The following MED23 variants were observed in gnomAD, a reference collection of about 807,000 sequenced individuals.
MED23 encodes mediator of RNA polymerase II transcription subunit 23.
A neutral mutation model predicts 163.9 loss-of-function variants in MED23; 105 were observed. The ratio of observed to expected loss-of-function variants is 0.64; its 90% CI spans 0.55 to 0.75. MED23 has a LOEUF of 0.75. MED23 is among the 30% of genes least tolerant of loss of function. The pLI, the probability that MED23 is intolerant of heterozygous loss-of-function variation, is 0.00. For synonymous variants in MED23, 561 were observed against 565.6 expected (o/e 0.99, Z 0.12); for missense variants, 1,054 against 1,649.0 (o/e 0.64, Z 6.25).
chr6:131,619,313 C>G (rs986353573), intron 8 of MED23, among the ~76,000 whole-genome samples: 1 of 152,098 alleles, frequency 6.6e-6, no homozygotes, highest in African/African-American at 2.4e-5. Flanking sequence ...GTTGAGGTCA[C>G]CATGATTTCT....
rs754894802 is a variant in MED23, at chr6:131,610,150, C to T, written c.973G>A (p.Gly325Arg). The T allele has an allele frequency of 2.1e-5, 34 of 1,613,864 alleles. No homozygotes were observed. The highest frequency in any genetic ancestry group is 3.3e-5 in the Admixed American group (2 of 59,974). The change falls in exon 11 of 29, where the codon GGA (glycine) becomes AGA (arginine). Residue 325 changes from glycine to arginine, a missense_variant. This residue lies in a region of MED23 where 61 missense variants were observed against 154.2 expected (regional missense o/e 0.40). Transcript: ENST00000368068. ...TGCTGCCACAGGAGTTGGCTTGTTC[C>T]CCCATCGTCAAACTTCTCCTCGGTC... The part of the protein sequence containing the change: ...SETEEKFDDG[G>R]TSQLLWQHLS...
chr6:131,592,878 C>A (rs1217637414), intron 24 of MED23, 128 bp downstream of exon 24: 1 of 1,104,430 alleles, frequency 9.1e-7, no homozygotes, highest in Non-Finnish European at 1.3e-6. Flanking sequence ...AGATCTGGAA[C>A]CAGAAAACAG....
At position 131,609,698 on chromosome 6, in the gene MED23, C is replaced by CAT. The variant is rs553500921; in HGVS notation, c.1077+346_1077+347dup. The stretch of plus-strand genomic sequence containing the variant: ...GTGTGTGTGTGTATGTATATACATA[C>CAT]ATATATATATGTACTCTATATATAT... On this transcript the variant is annotated intron_variant, in intron 11 of 28. Coordinates refer to ENST00000368068, the MANE Select transcript of MED23 (RefSeq NM_004830.4). Among the ~76,000 whole-genome samples, 62 of 144,736 alleles carry CAT rather than the reference C, an allele frequency of 4.3e-4. No individual in the cohort carries two copies. In the South Asian group the frequency reaches 8.2e-3, roughly 19 times the overall value. The allele number at this position is 144,736 out of a possible 152,430, so 95.0% of individuals were successfully genotyped here.
At position 131,620,645 on chromosome 6, in the gene MED23, C is replaced by A. The variant is rs201372314; in HGVS notation, c.580G>T (p.Gly194Cys). Residue 194 changes from glycine to cysteine, a missense_variant, in exon 7 of 29, where the codon GGC becomes TGC. Physicochemically the swap from Gly to Cys is radical, Grantham distance 159. Transcript: ENST00000368068. ...AAATTTACCCAGTGTGGAAGTTTGC[C>A]TTCAGGATACAGTTTCCTGATCTCA... Reference protein sequence around the residue: ...VTEIRKLYPEGKLPHWLLGNL... With the variant: ...VTEIRKLYPECKLPHWLLGNL... The A allele has an allele frequency of 7.4e-6, 12 of 1,611,544 alleles. No individual in the cohort carries two copies. Among genetic ancestry groups the A allele is most frequent in the Middle Eastern group, 1.7e-4 (1 of 5,834 alleles).
At chr6:131,590,690 G>A (rs867189970) in intron 26 of MED23, among the ~76,000 whole-genome samples, 5 of 152,178 alleles carry the variant, frequency 3.3e-5, no homozygotes, top group African/African-American at 2.4e-5. Context: ...GTGCAGTGGC[G>A]TGATCTTGGC....
chr6:131,608,461 A>G (rs1197148717), intron 11 of MED23, among the ~76,000 whole-genome samples: 2 of 151,934 alleles, frequency 1.3e-5, no homozygotes, highest in African/African-American at 4.9e-5. Context: ...GGAATACTCT[A>G]TCACACCAAA....
rs770756293 is a variant in MED23, at chr6:131,598,233, T to C, written c.2607+54A>G. On this transcript the variant is annotated intron_variant, in intron 20 of 28. Transcript: ENST00000368068. This position sits in a 1 kb window ranked among gnomAD's most constrained non-coding sequence, Gnocchi z 4.7. Reference sequence around the variant, plus strand: ...ATAGAGCAGATTGGCATAACATATATTAGTCATACATCTTGATCTAAGAGA... The same window carrying C: ...ATAGAGCAGATTGGCATAACATATACTAGTCATACATCTTGATCTAAGAGA... 1 of 1,502,718 alleles carries C rather than the reference T, an allele frequency of 6.7e-7. No individual in the cohort carries two copies. The highest frequency in any genetic ancestry group is 9.3e-7 in the Non-Finnish European group (1 of 1,079,550). The allele number at this position is 1,502,718 out of a possible 1,614,324, so 93.1% of individuals were successfully genotyped here. A position where few individuals can be genotyped will look rare whatever the true frequency, so the allele number is the denominator to read the frequency against.
intron 10 of MED23, among the ~76,000 whole-genome samples, chr6:131,612,393 A>T (rs938714468): frequency 6.6e-6 from 1 of 152,040 alleles, no homozygotes; most frequent in Non-Finnish European, 1.5e-5. Flanking sequence ...TAAAATTAAG[A>T]CTCTCTACTA....
At position 131,591,302 on chromosome 6, in the gene MED23, AT is replaced by A. The variant is rs767088689; in HGVS notation, c.3686+10del. The A allele has an allele frequency of 3.8e-6, 6 of 1,598,818 alleles. No homozygotes were observed. The highest frequency in any genetic ancestry group is 4.3e-6 in the Non-Finnish European group (5 of 1,166,446). ...CTACGTCAAATTTCTTTAAGAAATT[AT>A]TATACTTACTTTGGAATGAGAGAAA... On this transcript the variant is annotated intron_variant, in intron 26 of 28. Coordinates refer to ENST00000368068, the MANE Select transcript of MED23 (RefSeq NM_004830.4).
Position 131,619,914 on chromosome 6 carries a change from G to A in MED23, c.598-18C>T. 6.4e-7 allele frequency: 1 copy of A among 1,569,398 alleles called. No individual in the cohort carries two copies. The highest frequency in any genetic ancestry group is 8.8e-7 in the Non-Finnish European group (1 of 1,141,054). ...CCAAGTAACTAAAGAGAGAAAGAAAGAGGGAAGTCAAATAAATACGTACAA... is the reference window on the plus strand; with the variant it reads ...CCAAGTAACTAAAGAGAGAAAGAAAAAGGGAAGTCAAATAAATACGTACAA... On this transcript the variant is annotated intron_variant, in intron 7 of 28. Transcript: ENST00000368068.
At chr6:131,579,495 T>G in intron 30 of MED23, 4 of 480,016 alleles carry the variant, frequency 8.3e-6, no homozygotes, top group South Asian at 8.0e-5. Context: ...TATTTTGACC[T>G]AGTACAGCAG....
rs376885957 is a variant in MED23, at chr6:131,593,002, A to C, written c.3398+4T>G. On this transcript the variant is annotated splice_donor_region_variant and intron_variant, in intron 24 of 28. Transcript: ENST00000368068. The stretch of plus-strand genomic sequence containing the variant: ...AATCTTACTGCATGAACCAGAATAC[A>C]TACCTTTTTAGGACAACATTTAGAA... The C allele has an allele frequency of 7.9e-5, 127 of 1,614,114 alleles. 1 individual carries two copies. The South Asian group carries it at 1.3e-3, about 17-fold the overall frequency.
At chr6:131,616,655 C>T (rs1276388835) in intron 9 of MED23, among the ~76,000 whole-genome samples, 3 of 151,980 alleles carry the variant, frequency 2.0e-5, no homozygotes, top group African/African-American at 4.8e-5. Context: ...CCCATCTCTA[C>T]AAAAAACACA....
At chr6:131,593,453 T>C (rs992340237) in intron 23 of MED23, among the ~76,000 whole-genome samples, 1 of 152,010 alleles carries the variant, frequency 6.6e-6, no homozygotes, top group Admixed American at 6.5e-5. Flanking sequence ...CTATTTCTTT[T>C]AATAGTTATA....
rs773182259 is a variant in MED23 at position 131,604,194 on chromosome 6, G to A, written c.1740C>T (p.Gly580=). ...LLVYMEIESL[G]IKGFISQLLP... is the part of the protein sequence containing the mutation. ...CTGTCTTACTGATAAATCCTTTGAT[G>A]CCCAAAGACTCTATTTCCATATAGA... The change falls in exon 15 of 29, where the codon GGC becomes GGT. Residue 580 remains glycine (G), a synonymous_variant. Transcript: ENST00000368068. 19 of 1,610,348 alleles carry A rather than the reference G, an allele frequency of 1.2e-5. No homozygotes were observed. The highest frequency in any genetic ancestry group is 2.2e-5 in the South Asian group (2 of 91,032).
Position 131,602,185 on chromosome 6 carries a change from CTGT to C in MED23, c.2095+30_2095+32del, listed in dbSNP as rs765114084. On this transcript the variant is annotated intron_variant, in intron 17 of 28. Coordinates refer to ENST00000368068, the MANE Select transcript of MED23 (RefSeq NM_004830.4). ...AGAATCATGGCACACTTTAATTCAT[CTGT>C]TGTTGTTTGTAGTCACATATTCACC... is the stretch of plus-strand genomic sequence containing the variant. 18 of 1,603,668 alleles carry C rather than the reference CTGT, an allele frequency of 1.1e-5. No homozygotes were observed. The South Asian group carries it at 1.8e-4, about 16-fold the overall frequency.
At chr6:131,580,173 T>C (rs1283247008) in intron 30 of MED23, among the ~76,000 whole-genome samples, 2 of 152,212 alleles carry the variant, frequency 1.3e-5, no homozygotes, top group Non-Finnish European at 1.5e-5. Context: ...AACACTTCTA[T>C]GGCTCTTGAG....
At chr6:131,593,913 T>A (rs1249011003) in intron 23 of MED23, among the ~76,000 whole-genome samples, 186 bp downstream of exon 23, 1 of 152,136 alleles carries the variant, frequency 6.6e-6, no homozygotes, top group Non-Finnish European at 1.5e-5. Context: ...TAACAGAATT[T>A]CAGCCTAATT....
chr6:131,600,658 T>C (rs1210101745), intron 17 of MED23, among the ~76,000 whole-genome samples: 3 of 152,222 alleles, frequency 2.0e-5, no homozygotes, highest in African/African-American at 7.2e-5. Flanking sequence ...CTTTAAAACA[T>C]CAGTTCTCAA....
Sources: allele counts gnomAD v4.1 joint callset (sites outside exome capture counted in the v4.1 genomes callset), GRCh38; gene constraint gnomAD v4.1.1; regional missense constraint gnomAD v4.1.1; non-coding constraint Gnocchi (gnomAD v3.1); transcripts MANE v1.5; gene names NCBI Gene and HGNC (gene_info 2026-07-23, HGNC 2026-07-21).